The following CCDC158 variants were observed in gnomAD, a reference collection of about 807,000 sequenced individuals.
The protein encoded by CCDC158 is coiled-coil domain containing 158.
In CCDC158, 116 loss-of-function variants were observed where a neutral mutation model predicts 138.6. The ratio of observed to expected loss-of-function variants is 0.84; its 90% CI spans 0.72 to 0.98. CCDC158 has a LOEUF of 0.98. Ranked by LOEUF, CCDC158 falls within the 50% of genes least tolerant of loss-of-function variation. The pLI is 0.00. For synonymous variants in CCDC158, 436 were observed against 442.4 expected, an observed-to-expected ratio of 0.99 and a Z score of 0.18; for missense variants, 1,265 against 1,306.1, an observed-to-expected ratio of 0.97 and a Z score of 0.48.
intron 15 of CCDC158, among the ~76,000 whole-genome samples, chr4:76,353,701 C>G (rs1391038012): frequency 6.6e-6 from 1 of 152,078 alleles, no homozygotes; most frequent in African/African-American, 2.4e-5. Context: ...ATATTCATTT[C>G]ACAAATTCCT....
chr4:76,366,507 G>A (rs115166275), intron 12 of CCDC158, among the ~76,000 whole-genome samples: 44 of 151,868 alleles, frequency 2.9e-4, no homozygotes, highest in African/African-American at 9.7e-4. Context: ...AGTATTTATC[G>A]AGCACCTTCT....
At chr4:76,345,034 C>A in intron 18 of CCDC158, 1 of 1,375,420 alleles carries the variant, frequency 7.3e-7, no homozygotes, top group Non-Finnish European at 1.0e-6. Flanking sequence ...CTAATTATTA[C>A]AATAGGATCA....
At chr4:76,347,093 T>A (rs1485078427) in intron 18 of CCDC158, among the ~76,000 whole-genome samples, 2 of 152,164 alleles carry the variant, frequency 1.3e-5, no homozygotes, top group African/African-American at 4.8e-5. Context: ...TGTAAATTAG[T>A]TCAACCATTG....
chr4:76,344,504 C>T (rs1368630986), intron 18 of CCDC158: 4 of 801,910 alleles, frequency 5.0e-6, no homozygotes, highest in Admixed American at 3.5e-5. Context: ...CAGGCTTGTC[C>T]TCCAGCCAGT....
intron 9 of CCDC158, among the ~76,000 whole-genome samples, chr4:76,373,324 T>C (rs1431594955): frequency 6.6e-6 from 1 of 152,244 alleles, no homozygotes; most frequent in Non-Finnish European, 1.5e-5. Context: ...TAACTTTAAG[T>C]AGGTATCTAC....
Position 76,379,360 on chromosome 4 carries a change from C to T in CCDC158, c.959G>A (p.Ser320Asn), listed in dbSNP as rs1448769800. Residue 320 changes from serine (S) to asparagine (N), a missense_variant, in exon 9 of 25, where the codon AGC becomes AAC. Physicochemically the swap from Ser to Asn is conservative, Grantham distance 46. Coordinates refer to ENST00000682701, the MANE Select transcript of CCDC158 (RefSeq NM_001394954.1). ...NQNSMYMRQLSDLESTVSQLR... is the reference protein window; with the variant it reads ...NQNSMYMRQLNDLESTVSQLR... Reference sequence around the variant, plus strand: ...CTGAGAAACAGTAGATTCCAGATCGCTGAGCTGACGCATATACATAGAGTT... The same window carrying T: ...CTGAGAAACAGTAGATTCCAGATCGTTGAGCTGACGCATATACATAGAGTT... 1.2e-6 allele frequency: 2 copies of T among 1,610,396 alleles called. No homozygotes were observed. The highest frequency in any genetic ancestry group is 1.3e-5 in the African/African-American group (1 of 74,948).
rs150784184 is a variant in CCDC158 at position 76,414,605 on chromosome 4, G to A, written c.-116-2473C>T. 3.2e-3 allele frequency among the ~76,000 whole-genome samples: 489 copies of A among 152,298 alleles called. 5 individuals carry two copies. The highest frequency in any genetic ancestry group is 0.011 in the African/African-American group (470 of 41,568). On this transcript the variant is annotated intron_variant, in intron 1 of 24. Transcript: ENST00000682701. ...GAACAGTATCTCCCAGAATTCCCACGTGTGTGGGAGGGACCCAGGATGAGG... is the reference window on the plus strand; with the variant it reads ...GAACAGTATCTCCCAGAATTCCCACATGTGTGGGAGGGACCCAGGATGAGG...
Position 76,367,549 on chromosome 4 carries a change from C to T in CCDC158, c.1575G>A (p.Arg525=). The change falls in exon 12 of 25, where the codon CGG becomes CGA. Residue 525 remains arginine, a synonymous_variant. Coordinates refer to ENST00000682701, the MANE Select transcript of CCDC158 (RefSeq NM_001394954.1). The part of the protein sequence containing the change: ...TNAEITKLRS[R]VDLKLQELQH... ...GCAGCTCCTGCAATTTCAAGTCCAC[C>T]CGGGAGCGGAGCTTTGTGATCTCTG... 6.2e-7 allele frequency: 1 copy of T among 1,614,216 alleles called. No individual in the cohort carries two copies. The highest frequency in any genetic ancestry group is 8.5e-7 in the Non-Finnish European group (1 of 1,180,046).
intron 19 of CCDC158, 158 bp downstream of exon 19, chr4:76,333,852 G>T: frequency 2.2e-6 from 1 of 453,514 alleles, no homozygotes; most frequent in Non-Finnish European, 3.8e-6. Context: ...TTTTACATTT[G>T]CTTAACTCCT....
intron 8 of CCDC158, among the ~76,000 whole-genome samples, chr4:76,380,925 G>A (rs1439833303): frequency 1.3e-5 from 2 of 152,254 alleles, no homozygotes; most frequent in Non-Finnish European, 1.5e-5. Context: ...TACAGCTCGG[G>A]CTGTTGCTTC....
chr4:76,357,205 A>G (rs933589357), intron 14 of CCDC158, among the ~76,000 whole-genome samples, 169 bp downstream of exon 14: 19 of 152,342 alleles, frequency 1.2e-4, no homozygotes, highest in African/African-American at 2.6e-4. Flanking sequence ...CCTAAAAACA[A>G]TTAACTACTG....
intron 12 of CCDC158, among the ~76,000 whole-genome samples, chr4:76,363,710 A>G (rs997851799): frequency 2.0e-5 from 3 of 152,102 alleles, no homozygotes; most frequent in Non-Finnish European, 4.4e-5. Flanking sequence ...GAAGTCAGAG[A>G]GGGGCCAAGG....
At chr4:76,415,891 TC>T (rs1462379501) in intron 1 of CCDC158, among the ~76,000 whole-genome samples, 2 of 152,138 alleles carry the variant, frequency 1.3e-5, no homozygotes, top group Non-Finnish European at 2.9e-5. Flanking sequence ...AAAGGGAGTC[TC>T]AATTTCCCCG....
intron 10 of CCDC158, 52 bp from the exon 11 acceptor site, chr4:76,369,675 T>C: frequency 1.4e-6 from 2 of 1,474,122 alleles, no homozygotes; most frequent in Non-Finnish European, 1.9e-6. Flanking sequence ...ATAATTAAGA[T>C]AAAACATATT....
chr4:76,371,468 A>C lies in CCDC158; in HGVS notation c.1098T>G (p.Asp366Glu), dbSNP rs1560439327. Residue 366 changes from aspartate (D) to glutamate (E), a missense_variant, in exon 10 of 25, where the codon GAT (aspartate) becomes GAG (glutamate). Physicochemically the swap from Asp to Glu is conservative, Grantham distance 45. Coordinates refer to ENST00000682701, the MANE Select transcript of CCDC158 (RefSeq NM_001394954.1). The stretch of plus-strand genomic sequence containing the variant: ...AATTTCCAGATTCCTGACTGAATTG[A>C]TCACGCTCTGTCCGGGCTTCAGTTA... ...SELTEARTERDQFSQESGNLD... is the reference protein window; with the variant it reads ...SELTEARTEREQFSQESGNLD... The C allele has an allele frequency of 1.2e-6, 2 of 1,614,178 alleles. No homozygotes were observed. The highest frequency in any genetic ancestry group is 1.7e-6 in the Non-Finnish European group (2 of 1,179,996).
At chr4:76,420,255 G>A (rs77565060) in intron 1 of CCDC158, among the ~76,000 whole-genome samples, 1 of 151,470 alleles carries the variant, frequency 6.6e-6, no homozygotes, top group East Asian at 1.9e-4. Context: ...TTCCCCACAC[G>A]CCCCCGCCAT....
At chr4:76,400,472 G>A (rs1472404892) in intron 3 of CCDC158, among the ~76,000 whole-genome samples, 1 of 151,458 alleles carries the variant, frequency 6.6e-6, no homozygotes, top group African/African-American at 2.4e-5. Flanking sequence ...GTTAATGGGT[G>A]CAGCACACCA....
chr4:76,417,226 C>A (rs1249977366), intron 1 of CCDC158, among the ~76,000 whole-genome samples: 1 of 152,102 alleles, frequency 6.6e-6, no homozygotes, highest in Non-Finnish European at 1.5e-5. Context: ...TTTGTTTTGG[C>A]CAATTTCTCC....
chr4:76,337,044 G>A (rs1721578800), intron 18 of CCDC158, among the ~76,000 whole-genome samples: 2 of 152,156 alleles, frequency 1.3e-5, no homozygotes, highest in South Asian at 2.1e-4. Flanking sequence ...GCAGTGATGC[G>A]ATCACGGATC....
Sources: gnomAD v4.1 joint callset for allele counts (sites outside exome capture counted in the v4.1 genomes callset) on GRCh38, gnomAD v4.1.1 for gene constraint, MANE v1.5 for transcripts, NCBI Gene and HGNC (gene_info 2026-07-23, HGNC 2026-07-21) for gene names.